The following DLG2 variants were observed in gnomAD, a reference collection of about 807,000 sequenced individuals.
The protein encoded by DLG2 is discs large MAGUK scaffold protein 2, also known as disks large homolog 2.
DLG2 carries 45 observed loss-of-function variants against 132.5 expected under a neutral mutation model. The observed-to-expected ratio is 0.34, with a 90% CI of 0.27 to 0.44. The LOEUF is 0.44. Among genes scored for constraint, DLG2 ranks in the 20% least tolerant of loss-of-function variants. DLG2 has a pLI of 1.00. For synonymous variants in DLG2, 424 were observed against 419.6 expected, an observed-to-expected ratio of 1.01 and a Z score of -0.13; for missense variants, 1,045 against 1,196.9, an observed-to-expected ratio of 0.87 and a Z score of 1.87.
At chr11:84,429,738 AT>A (rs2098978301) in intron 7 of DLG2, among the ~76,000 whole-genome samples, 2 of 152,210 alleles carry the variant, frequency 1.3e-5, no homozygotes, top group African/African-American at 4.8e-5. Context: ...TATCTTTACA[AT>A]GATAATCATG....
chr11:83,661,753 C>T (rs1160801278), intron 18 of DLG2, among the ~76,000 whole-genome samples: 1 of 152,008 alleles, frequency 6.6e-6, no homozygotes, highest in Non-Finnish European at 1.5e-5. Flanking sequence ...AAGGCTCCCT[C>T]AATGCTGGAT....
chr11:83,981,186 A>G (rs115532041), intron 11 of DLG2, among the ~76,000 whole-genome samples: 2,506 of 152,264 alleles, frequency 0.016, 71 homozygotes, highest in African/African-American at 0.056. Context: ...TACACTGTTT[A>G]TATACATGTA....
chr11:84,013,861 C>T (rs1479588236), intron 11 of DLG2, among the ~76,000 whole-genome samples: 4 of 59,382 alleles, frequency 6.7e-5, no homozygotes, highest in Non-Finnish European at 1.2e-4. Context: ...AGTGGGACTG[C>T]GTCTCAAAAA....
intron 7 of DLG2, among the ~76,000 whole-genome samples, chr11:84,431,765 G>A (rs2098985399): frequency 6.6e-6 from 1 of 152,020 alleles, no homozygotes; most frequent in Non-Finnish European, 1.5e-5. Context: ...TATCCTCAAA[G>A]TAAATCATTC....
chr11:85,358,736 A>G (rs1252704566), intron 3 of DLG2, among the ~76,000 whole-genome samples: 6 of 152,210 alleles, frequency 3.9e-5, no homozygotes, highest in Non-Finnish European at 7.3e-5. Flanking sequence ...TCAAATACTC[A>G]GAATAGTGTG....
chr11:84,619,463 C>A (rs938131840), intron 6 of DLG2, among the ~76,000 whole-genome samples: 1 of 150,700 alleles, frequency 6.6e-6, no homozygotes, highest in African/African-American at 2.4e-5. Flanking sequence ...AGGTTAAAGC[C>A]CCAAAAGTAG....
chr11:83,918,540 T>C (rs1411575575), intron 15 of DLG2, among the ~76,000 whole-genome samples: 1 of 152,190 alleles, frequency 6.6e-6, no homozygotes, highest in Non-Finnish European at 1.5e-5. Flanking sequence ...GAAACGTCCA[T>C]GTTTGTCTTT....
intron 19 of DLG2, among the ~76,000 whole-genome samples, chr11:83,588,293 G>A (rs1318774113): frequency 4.7e-5 from 7 of 150,534 alleles, no homozygotes; most frequent in South Asian, 2.1e-4. Context: ...ATCTGAGAAC[G>A]GGCAGACTGC....
chr11:84,302,764 G>T (rs1233830211), intron 7 of DLG2, among the ~76,000 whole-genome samples: 1 of 152,082 alleles, frequency 6.6e-6, no homozygotes, highest in Non-Finnish European at 1.5e-5. Context: ...AAGGATTTAT[G>T]ATTAACTACT....
rs954755234 is a variant in DLG2, at chr11:83,572,425, G to C, written c.1941-30567C>G. 1.8e-4 allele frequency among the ~76,000 whole-genome samples: 27 copies of C among 152,072 alleles called. 1 individual carries two copies. Among genetic ancestry groups the C allele is most frequent in the Admixed American group, 1.6e-3 (24 of 15,254 alleles). On this transcript the variant is annotated intron_variant, in intron 19 of 27. Transcript: ENST00000376104. ...AGAAAAGGAAGGTTGGAAATTGACA[G>C]AAAATCACAAAGCTAGAAAACAAGA...
At chr11:85,076,975 T>C (rs2066619904) in intron 6 of DLG2, among the ~76,000 whole-genome samples, 1 of 152,048 alleles carries the variant, frequency 6.6e-6, no homozygotes, top group Non-Finnish European at 1.5e-5. Flanking sequence ...ATTTATTTAG[T>C]GTTGTGCTAA....
intron 6 of DLG2, among the ~76,000 whole-genome samples, chr11:84,612,710 G>A (rs141078041): frequency 6.6e-6 from 1 of 151,906 alleles, no homozygotes. Context: ...AAATTAAAAA[G>A]AAGTAATAAT....
At chr11:84,564,937 C>A (rs1392306134) in intron 6 of DLG2, among the ~76,000 whole-genome samples, 7 of 152,156 alleles carry the variant, frequency 4.6e-5, no homozygotes, top group Admixed American at 2.6e-4. Flanking sequence ...GTCTATATGA[C>A]TGTGTGATAC....
At chr11:85,334,440 G>T (rs2081990211) in intron 3 of DLG2, among the ~76,000 whole-genome samples, 1 of 151,922 alleles carries the variant, frequency 6.6e-6, no homozygotes, top group African/African-American at 2.4e-5. Flanking sequence ...GTTGTATTAA[G>T]TTCTGATTTT....
At chr11:83,521,922 A>T (rs1241802324) in intron 21 of DLG2, among the ~76,000 whole-genome samples, 1 of 151,960 alleles carries the variant, frequency 6.6e-6, no homozygotes, top group Non-Finnish European at 1.5e-5. Context: ...ATTTACAAAC[A>T]CAGCCTGTCA....
chr11:85,357,686 G>T (rs1029300522), intron 3 of DLG2, among the ~76,000 whole-genome samples: 1 of 130,946 alleles, frequency 7.6e-6, no homozygotes, highest in Non-Finnish European at 1.6e-5. Context: ...TGTACAATAC[G>T]CCAGGCACTG....
At chr11:83,479,840 A>AAAGTT (rs1304315606) in intron 22 of DLG2, among the ~76,000 whole-genome samples, 5 of 152,150 alleles carry the variant, frequency 3.3e-5, no homozygotes, top group African/African-American at 1.2e-4. Context: ...TCAAAAAAGT[A>AAAGTT]AAGTTAGAAA....
intron 16 of DLG2, among the ~76,000 whole-genome samples, chr11:83,870,743 A>T (rs1262670376): frequency 6.6e-6 from 1 of 151,994 alleles, no homozygotes; most frequent in Non-Finnish European, 1.5e-5. Flanking sequence ...CTTCATTCCT[A>T]TTCTCAGACT....
chr11:84,001,656 G>A (rs569891655), intron 11 of DLG2, among the ~76,000 whole-genome samples: 14 of 152,114 alleles, frequency 9.2e-5, no homozygotes, highest in East Asian at 3.9e-4. Context: ...TCTTATCAGC[G>A]CATGAAACAT....
Sources: allele counts gnomAD v4.1 joint callset (sites outside exome capture counted in the v4.1 genomes callset), GRCh38; gene constraint gnomAD v4.1.1; transcripts MANE v1.5; gene names NCBI Gene and HGNC (gene_info 2026-07-23, HGNC 2026-07-21).